The following NELL1 variants were observed in gnomAD, a reference collection of about 807,000 sequenced individuals.
NELL1 encodes protein kinase C-binding protein NELL1.
A neutral mutation model predicts 107.4 loss-of-function variants in NELL1; 76 were observed. That is an observed-to-expected ratio of 0.71 (90% confidence interval 0.59 to 0.86). The LOEUF is 0.86. NELL1 is among the 40% of genes least tolerant of loss of function. NELL1 has a pLI of 0.00. For synonymous variants in NELL1, 353 were observed against 341.2 expected (o/e 1.03, Z -0.38); for missense variants, 1,024 against 1,005.5 (o/e 1.02, Z -0.25).
intron 12 of NELL1, among the ~76,000 whole-genome samples, chr11:21,093,869 A>G (rs1854578554): frequency 6.6e-6 from 1 of 152,176 alleles, no homozygotes; most frequent in Non-Finnish European, 1.5e-5. Flanking sequence ...ATTCGAGATG[A>G]GATTTGGTTG....
chr11:21,516,119 A>G (rs891158622), intron 15 of NELL1, among the ~76,000 whole-genome samples: 1 of 152,182 alleles, frequency 6.6e-6, no homozygotes, highest in African/African-American at 2.4e-5. Context: ...AGTGTTTGGC[A>G]TTAGACAGAC....
At chr11:20,746,982 C>CAGG (rs1643807923) in intron 2 of NELL1, among the ~76,000 whole-genome samples, 1 of 152,270 alleles carries the variant, frequency 6.6e-6, no homozygotes, top group African/African-American at 2.4e-5. Flanking sequence ...GGAGAAGTCC[C>CAGG]TGGTGGTGAC....
In NELL1 at chr11:21,316,482, T is replaced by C. The variant is rs79608570; in HGVS notation, c.1550-54371T>C. Among the ~76,000 whole-genome samples the C allele has an allele frequency of 6.0e-3, 908 of 152,312 alleles. 12 individuals are homozygous for C. The highest frequency in any genetic ancestry group is 0.021 in the African/African-American group (878 of 41,574). On this transcript the variant is annotated intron_variant, in intron 14 of 19. Transcript: ENST00000357134. ...TTCCTTCCAATCTTTTCTTCACATT[T>C]AGTGTCACAGTTATGGTGGAGTTCC...
chr11:20,848,550 G>A (rs1848741974), intron 4 of NELL1, among the ~76,000 whole-genome samples: 1 of 152,116 alleles, frequency 6.6e-6, no homozygotes, highest in South Asian at 2.1e-4. Flanking sequence ...TCCAATTACA[G>A]AGTTTTTTTT....
intron 13 of NELL1, among the ~76,000 whole-genome samples, chr11:21,224,375 G>T (rs1269606583): frequency 6.7e-6 from 1 of 149,764 alleles, no homozygotes; most frequent in Admixed American, 6.7e-5. Context: ...GACCACAGTT[G>T]TATGCCACCA....
chr11:21,161,000 TACACACACACACACACACACACACACAC>T (rs72029062), intron 13 of NELL1, among the ~76,000 whole-genome samples: 2 of 143,138 alleles, frequency 1.4e-5, no homozygotes, highest in Admixed American at 7.2e-5. Context: ...CTAGCCTTTA[TACACACACACACACACACACACACACAC>T]ACACACACAC....
At chr11:21,156,929 C>T (rs867180968) in intron 13 of NELL1, among the ~76,000 whole-genome samples, 161 of 114,962 alleles carry the variant, frequency 1.4e-3, no homozygotes, top group African/African-American at 4.5e-3. Flanking sequence ...CCCGCCTCTA[C>T]TAAAAATACA....
chr11:21,178,322 C>T (rs1160603429), intron 13 of NELL1, among the ~76,000 whole-genome samples: 1 of 151,830 alleles, frequency 6.6e-6, no homozygotes, highest in Non-Finnish European at 1.5e-5. Context: ...TCTAATTGAA[C>T]AGATGAAATT....
chr11:21,462,725 T>C (rs1365774779), intron 15 of NELL1, among the ~76,000 whole-genome samples: 2 of 152,080 alleles, frequency 1.3e-5, no homozygotes, highest in Non-Finnish European at 2.9e-5. Context: ...TGATGACTTC[T>C]GAGAGTCAAG....
intron 3 of NELL1, 39 bp downstream of exon 3, chr11:20,783,869 G>A (rs747611422): frequency 5.1e-6 from 8 of 1,567,312 alleles, no homozygotes; most frequent in South Asian, 1.2e-5. Flanking sequence ...TCTCCTTAGA[G>A]TTAATGGGTT....
intron 5 of NELL1, among the ~76,000 whole-genome samples, chr11:20,897,976 C>G (rs549347569): frequency 6.6e-6 from 1 of 152,020 alleles, no homozygotes; most frequent in Non-Finnish European, 1.5e-5. Flanking sequence ...TTGGTGGGAC[C>G]GTAAACTAGT....
intron 3 of NELL1, among the ~76,000 whole-genome samples, chr11:20,832,932 G>T (rs1046279680): frequency 6.6e-6 from 1 of 152,194 alleles, no homozygotes; most frequent in Non-Finnish European, 1.5e-5. Context: ...TGTTGGTTCT[G>T]TTAAGGGTAG....
chr11:20,746,409 A>G (rs1856003671), intron 2 of NELL1, among the ~76,000 whole-genome samples: 1 of 152,212 alleles, frequency 6.6e-6, no homozygotes, highest in African/African-American at 2.4e-5. Flanking sequence ...TTAGGCAAGT[A>G]ACTTAACCAC....
At chr11:20,969,564 T>A (rs568225867) in intron 12 of NELL1, among the ~76,000 whole-genome samples, 1 of 151,918 alleles carries the variant, frequency 6.6e-6, no homozygotes, top group East Asian at 1.9e-4. Context: ...TGCCTGGGAG[T>A]TGGTCTTGGT....
At chr11:20,887,784 A>G (rs1025990532) in intron 5 of NELL1, among the ~76,000 whole-genome samples, 3 of 152,182 alleles carry the variant, frequency 2.0e-5, no homozygotes, top group Non-Finnish European at 4.4e-5. Context: ...GGGAGTCCTG[A>G]TGAAGAAAAT....
chr11:20,754,546 GA>G (rs531835281), intron 2 of NELL1, among the ~76,000 whole-genome samples: 358 of 152,194 alleles, frequency 2.4e-3, no homozygotes, highest in African/African-American at 8.2e-3. Context: ...GAAAATTGTA[GA>G]AAAAATTATT....
intron 15 of NELL1, among the ~76,000 whole-genome samples, chr11:21,409,322 A>G (rs1452108199): frequency 1.3e-5 from 2 of 152,116 alleles, no homozygotes; most frequent in African/African-American, 2.4e-5. Context: ...TCAGTAAACT[A>G]TCACAATGAC....
At chr11:20,774,196 C>G (rs2079499580) in intron 2 of NELL1, among the ~76,000 whole-genome samples, 1 of 100,470 alleles carries the variant, frequency 1.0e-5, no homozygotes, top group Non-Finnish European at 2.1e-5. Flanking sequence ...CCCCTCCCAT[C>G]CAGTCCACTT....
intron 12 of NELL1, among the ~76,000 whole-genome samples, chr11:21,045,726 A>G (rs758256077): frequency 3.3e-5 from 5 of 152,178 alleles, no homozygotes; most frequent in African/African-American, 4.8e-5. Flanking sequence ...CCAGACTAAC[A>G]TAGCCACATT....
Sources: allele counts gnomAD v4.1 joint callset (sites outside exome capture counted in the v4.1 genomes callset), GRCh38; gene constraint gnomAD v4.1.1; transcripts MANE v1.5; gene names NCBI Gene and HGNC (gene_info 2026-07-23, HGNC 2026-07-21).